The following ZFP30 variants were observed in gnomAD, a reference collection of about 807,000 sequenced individuals.
ZFP30 encodes zinc finger protein 30 homolog.
ZFP30 carries 16 observed loss-of-function variants against 12.3 expected under a neutral mutation model. That is an observed-to-expected ratio of 1.30 (90% confidence interval 0.88 to 1.98). The LOEUF is 1.98. Ranked by LOEUF, ZFP30 falls within the 30% of genes most tolerant of loss-of-function variation. The pLI, the probability that ZFP30 is intolerant of heterozygous loss-of-function variation, is 0.00. For synonymous variants in ZFP30, 172 were observed against 201.0 expected (o/e 0.86, Z 1.22); for missense variants, 560 against 611.2 (o/e 0.92, Z 0.88).
intron 3 of ZFP30, among the ~76,000 whole-genome samples, chr19:37,646,295 GT>G (rs1483216854): frequency 1.3e-5 from 2 of 152,052 alleles, no homozygotes; most frequent in Non-Finnish European, 2.9e-5. Flanking sequence ...TGATGGATAT[GT>G]TACACTTAAT....
chr19:37,656,130 T>A (rs3810359), upstream of ZFP30: 4,417 of 152,772 alleles, frequency 0.029, 110 homozygotes, highest in East Asian at 0.09. Flanking sequence ...CTGGACCGAG[T>A]GCCTGGCCGC....
chr19:37,650,912 G>GT (rs2044636946), intron 2 of ZFP30, among the ~76,000 whole-genome samples: 1 of 151,620 alleles, frequency 6.6e-6, no homozygotes, highest in East Asian at 2.0e-4. Context: ...TAATTTTTGT[G>GT]TTTTTTGTAG....
intron 2 of ZFP30, among the ~76,000 whole-genome samples, chr19:37,652,655 T>C (rs758903405): frequency 6.6e-6 from 1 of 152,196 alleles, no homozygotes; most frequent in Non-Finnish European, 1.5e-5. Flanking sequence ...AAAACATTAA[T>C]AATTATTATT....
intron 5 of ZFP30, among the ~76,000 whole-genome samples, chr19:37,642,086 T>C (rs551872943): frequency 9.8e-5 from 15 of 152,356 alleles, no homozygotes; most frequent in South Asian, 8.3e-4. Flanking sequence ...ATTTCTTTGA[T>C]GCTATCAGCA....
Position 37,634,895 on chromosome 19 carries a change from G to A in ZFP30, c.*86C>T. ...GCTTAGTTGTGAGCATGAAGCAAAA[G>A]GGATTCCCACGTTCAAAAACCTTTC... On this transcript the variant is annotated 3_prime_UTR_variant, in exon 6 of 6. Coordinates refer to ENST00000684514, the MANE Select transcript of ZFP30 (RefSeq NM_001320669.3). The A allele has an allele frequency of 1.4e-6, 2 of 1,379,852 alleles. No homozygotes were observed. The highest frequency in any genetic ancestry group is 1.9e-6 in the Non-Finnish European group (2 of 1,051,890). The allele number at this position is 1,379,852 out of a possible 1,614,324, so 85.5% of individuals were successfully genotyped here.
intron 5 of ZFP30, among the ~76,000 whole-genome samples, chr19:37,639,720 G>A (rs1418820029): frequency 2.0e-5 from 3 of 151,916 alleles, no homozygotes; most frequent in Non-Finnish European, 4.4e-5. Context: ...AAACAAATTA[G>A]GACAAAATGT....
At chr19:37,642,914 A>G (rs977291515) in intron 5 of ZFP30, among the ~76,000 whole-genome samples, 10 of 152,030 alleles carry the variant, frequency 6.6e-5, no homozygotes, top group Non-Finnish European at 1.3e-4. Flanking sequence ...TTAGCCAGGC[A>G]TGGTGGCAGG....
Position 37,643,261 on chromosome 19 carries a change from T to A in ZFP30, c.235+4A>T. 6.2e-7 allele frequency: 1 copy of A among 1,610,336 alleles called. No homozygotes were observed. The highest frequency in any genetic ancestry group is 8.5e-7 in the Non-Finnish European group (1 of 1,178,486). ...TGGCTGACCTCTGCCTGATCAGCACTTACCTAGAGTCCATCTTCTTTTCTC... is the reference window on the plus strand; with the variant it reads ...TGGCTGACCTCTGCCTGATCAGCACATACCTAGAGTCCATCTTCTTTTCTC... On this transcript the variant is annotated splice_donor_region_variant and intron_variant, in intron 5 of 5. Transcript: ENST00000684514.
upstream of ZFP30, chr19:37,655,861 G>T (rs1271616174): frequency 6.6e-6 from 1 of 152,386 alleles, no homozygotes; most frequent in East Asian, 1.9e-4. Context: ...GCGCAAGCGC[G>T]CGGGGGGCGA....
rs752216871 is a variant in ZFP30 at position 37,644,677 on chromosome 19, C to T, written c.69G>A (p.Leu23=). 8.7e-6 allele frequency: 14 copies of T among 1,613,650 alleles called. No homozygotes were observed. The South Asian group carries it at 1.4e-4, about 16-fold the overall frequency. ...TGTACAAATTCCTCTGATATGAGTT[C>T]AGGCATTCCCATTCTTCCTGAGAAA... ...VDFSQEEWEC[L]NSYQRNLYRD... The change falls in exon 4 of 6, where the codon CTG becomes CTA. Residue 23 remains leucine, a synonymous_variant. Coordinates refer to ENST00000684514, the MANE Select transcript of ZFP30 (RefSeq NM_001320669.3).
At chr19:37,637,539 G>C (rs1159402917) in intron 5 of ZFP30, among the ~76,000 whole-genome samples, 1 of 151,922 alleles carries the variant, frequency 6.6e-6, no homozygotes, top group African/African-American at 2.4e-5. Context: ...TGCCCAAGCT[G>C]AAGTGCAGTG....
chr19:37,652,109 T>C (rs1299135646), intron 2 of ZFP30, among the ~76,000 whole-genome samples: 1 of 152,182 alleles, frequency 6.6e-6, no homozygotes, highest in East Asian at 1.9e-4. Context: ...CTGTAAATAT[T>C]TGGAAGGTCT....
intron 5 of ZFP30, among the ~76,000 whole-genome samples, chr19:37,636,719 C>CTT (rs951582570): frequency 6.9e-6 from 1 of 145,700 alleles, no homozygotes. Flanking sequence ...TCTTTCTTTT[C>CTT]TTTTTTTTTT....
At chr19:37,644,534 G>C (rs2044500875) in intron 4 of ZFP30, 76 bp downstream of exon 4, 2 of 1,359,728 alleles carry the variant, frequency 1.5e-6, no homozygotes, top group Admixed American at 3.1e-5. Context: ...CTTCGTCTTT[G>C]GAAAAAAACA....
chr19:37,647,525 TC>T (rs370001190), intron 3 of ZFP30, among the ~76,000 whole-genome samples: 51 of 152,298 alleles, frequency 3.3e-4, no homozygotes, highest in African/African-American at 1.2e-3. Context: ...TTGTAAGGTC[TC>T]CCCAGCTATG....
chr19:37,634,878 G>T lies in ZFP30; in HGVS notation c.*103C>A. The T allele has an allele frequency of 7.9e-7, 1 of 1,263,848 alleles. No homozygotes were observed. Among genetic ancestry groups the T allele is most frequent in the Non-Finnish European group, 1.0e-6 (1 of 956,188 alleles). The allele number at this position is 1,263,848 out of a possible 1,614,324, so 78.3% of individuals were successfully genotyped here. ...TAAATAAAACTTCCTATGCTTAGTT[G>T]TGAGCATGAAGCAAAAGGGATTCCC... On this transcript the variant is annotated 3_prime_UTR_variant, in exon 6 of 6. Coordinates refer to ENST00000684514, the MANE Select transcript of ZFP30 (RefSeq NM_001320669.3).
chr19:37,651,461 AG>A lies in ZFP30; in HGVS notation c.-78+3250del. On this transcript the variant is annotated intron_variant, in intron 2 of 5. Transcript: ENST00000684514. ...CATGGTGGCATGTGCCTGTGGTCCC[AG>A]CTACTTGGGAGGCTGAGGCAGGAGA... 1.3e-5 allele frequency: 2 copies of A among 152,320 alleles called. 1 individual carries two copies. Among genetic ancestry groups the A allele is most frequent in the East Asian group, 3.9e-4 (2 of 5,158 alleles). The allele number at this position is 152,320 out of a possible 1,614,324, so 9.4% of individuals were successfully genotyped here.
intron 3 of ZFP30, 48 bp downstream of exon 3, chr19:37,647,766 C>A (rs763865277): frequency 1.2e-6 from 2 of 1,611,024 alleles, no homozygotes; most frequent in Admixed American, 1.7e-5. Flanking sequence ...GTTCACATAA[C>A]CTGAAAAAAA....
At chr19:37,644,160 C>T (rs377552094) in intron 4 of ZFP30, among the ~76,000 whole-genome samples, 38 of 152,278 alleles carry the variant, frequency 2.5e-4, no homozygotes, top group Middle Eastern at 3.4e-3. Context: ...AAAAATATAA[C>T]GGTCACTGAA....
Sources: allele counts gnomAD v4.1 joint callset (sites outside exome capture counted in the v4.1 genomes callset), GRCh38; gene constraint gnomAD v4.1.1; transcripts MANE v1.5; gene names NCBI Gene and HGNC (gene_info 2026-07-23, HGNC 2026-07-21).